Variants in PTPRN2 observed in about 807,000 individuals in gnomAD.
The protein encoded by PTPRN2 is protein tyrosine phosphatase receptor type N2.
In PTPRN2, 74 loss-of-function variants were observed where a neutral mutation model predicts 118.8. That is an observed-to-expected ratio of 0.62 (90% CI 0.52 to 0.76). The LOEUF is 0.76. Ranked by LOEUF, PTPRN2 falls within the 30% of genes least tolerant of loss-of-function variation. The pLI is 0.00. For missense variants in PTPRN2, 1,481 were observed against 1,394.4 expected, an observed-to-expected ratio of 1.06 and a Z score of -0.99; for synonymous variants, 641 against 608.0, an observed-to-expected ratio of 1.05 and a Z score of -0.80.
At chr7:158,379,558 A>G (rs1810800262) in intron 2 of PTPRN2, among the ~76,000 whole-genome samples, 2 of 152,046 alleles carry the variant, frequency 1.3e-5, no homozygotes, top group South Asian at 4.2e-4. Context: ...ACTCAAACTC[A>G]CACCTCACGG....
chr7:158,068,113 C>T (rs755222801), intron 11 of PTPRN2, among the ~76,000 whole-genome samples: 6 of 152,184 alleles, frequency 3.9e-5, no homozygotes, highest in Middle Eastern at 3.2e-3. Context: ...GGTGGGGGTC[C>T]AGGCTGTGCA....
chr7:158,535,501 G>A (rs1157683851), intron 1 of PTPRN2, among the ~76,000 whole-genome samples: 1 of 152,112 alleles, frequency 6.6e-6, no homozygotes, highest in African/African-American at 2.4e-5. Context: ...TCAGAATCCT[G>A]CTTTCTGCGG....
chr7:157,854,041 A>G (rs1809495671), intron 12 of PTPRN2, among the ~76,000 whole-genome samples: 1 of 152,216 alleles, frequency 6.6e-6, no homozygotes, highest in Non-Finnish European at 1.5e-5. Context: ...CCCTGCCCAC[A>G]CATTGACCCT....
At chr7:157,942,471 T>G (rs542248410) in intron 11 of PTPRN2, among the ~76,000 whole-genome samples, 45 of 152,200 alleles carry the variant, frequency 3.0e-4, no homozygotes, top group Middle Eastern at 3.4e-3. Flanking sequence ...TGTTTATATC[T>G]TTACAGACAC....
At chr7:158,149,227 C>T (rs570491404) in intron 6 of PTPRN2, among the ~76,000 whole-genome samples, 28 of 152,296 alleles carry the variant, frequency 1.8e-4, no homozygotes, top group Middle Eastern at 3.4e-3. Context: ...ACCTGCTCTC[C>T]AAGCTGGCAC....
At chr7:158,079,372 G>A (rs553260033) in intron 11 of PTPRN2, among the ~76,000 whole-genome samples, 3 of 152,250 alleles carry the variant, frequency 2.0e-5, no homozygotes, top group African/African-American at 7.2e-5. Flanking sequence ...TTCCTATGTG[G>A]CTCCCCCTTG....
At chr7:158,344,532 C>A (rs970475306) in intron 2 of PTPRN2, among the ~76,000 whole-genome samples, 2 of 151,330 alleles carry the variant, frequency 1.3e-5, no homozygotes, top group Non-Finnish European at 3.0e-5. Context: ...ACAAGACACC[C>A]TGGAGTCTGG....
At chr7:158,351,916 G>A (rs1339323180) in intron 2 of PTPRN2, among the ~76,000 whole-genome samples, 2,012 of 110,998 alleles carry the variant, frequency 0.018, 100 homozygotes, top group African/African-American at 0.065. Flanking sequence ...CCTCCTGTCC[G>A]CTCCCCTCCT....
At position 157,929,858 on chromosome 7, in the gene PTPRN2, C is replaced by T. The variant is rs1461085466; in HGVS notation, c.1724-31121G>A. Among the ~76,000 whole-genome samples the T allele has an allele frequency of 6.6e-6, 1 of 151,890 alleles. No homozygotes were observed. Among genetic ancestry groups the T allele is most frequent in the African/African-American group, 2.4e-5 (1 of 41,404 alleles). On this transcript the variant is annotated intron_variant, in intron 11 of 22. Transcript: ENST00000389418. This position sits in a 1 kb window ranked among gnomAD's most constrained non-coding sequence, Gnocchi z 4.4. The stretch of plus-strand genomic sequence containing the variant: ...GGACACCAGGCACTGGAGGTCGGCA[C>T]GCTTATTGTAATGAATCTGAAGGCA...
intron 10 of PTPRN2, among the ~76,000 whole-genome samples, chr7:158,100,244 G>GGTGTGTGTGT (rs3065708): frequency 1.4e-5 from 2 of 147,316 alleles, no homozygotes; most frequent in Non-Finnish European, 3.0e-5. Context: ...TATTCCATGG[G>GGTGTGTGTGT]GTGTGTGTGT....
chr7:158,564,662 A>G (rs1827571312), intron 1 of PTPRN2, among the ~76,000 whole-genome samples: 1 of 151,436 alleles, frequency 6.6e-6, no homozygotes, highest in Non-Finnish European at 1.5e-5. Flanking sequence ...CTCACCTTCC[A>G]CTGCACCCTC....
intron 1 of PTPRN2, among the ~76,000 whole-genome samples, chr7:158,504,338 G>A (rs1822585265): frequency 6.6e-6 from 1 of 152,098 alleles, no homozygotes; most frequent in African/African-American, 2.4e-5. Context: ...AATTATTCCT[G>A]TGCTCTCCCT....
intron 11 of PTPRN2, among the ~76,000 whole-genome samples, chr7:157,910,504 G>A (rs538628087): frequency 1.3e-5 from 2 of 150,966 alleles, no homozygotes; most frequent in Non-Finnish European, 3.0e-5. Context: ...ACGCATGTAC[G>A]CCGTGGGAAC....
intron 6 of PTPRN2, among the ~76,000 whole-genome samples, chr7:158,156,972 G>C (rs749123234): frequency 1.2e-4 from 18 of 151,860 alleles, no homozygotes; most frequent in Non-Finnish European, 2.2e-4. Flanking sequence ...GGCTCTGGAA[G>C]GCCTCCCCAT....
chr7:158,344,495 T>A lies in PTPRN2; in HGVS notation c.164-27563A>T, dbSNP rs566684671. ...CAACGCCTTGCACCCAGGTCTTGAA[T>A]GCTAATTATACTCGCCGGCATTTAA... is the stretch of plus-strand genomic sequence containing the variant. On this transcript the variant is annotated intron_variant, in intron 2 of 22. Coordinates refer to ENST00000389418, the MANE Select transcript of PTPRN2 (RefSeq NM_002847.5). 2.1e-4 allele frequency among the ~76,000 whole-genome samples: 32 copies of A among 151,724 alleles called. 1 individual carries two copies. Among genetic ancestry groups the A allele is most frequent in the Admixed American group, 1.1e-3 (17 of 15,206 alleles).
chr7:157,884,675 A>G (rs951625734), intron 12 of PTPRN2, among the ~76,000 whole-genome samples: 2 of 152,232 alleles, frequency 1.3e-5, no homozygotes, highest in African/African-American at 4.8e-5. Context: ...ACAGGGTGGC[A>G]GACAAGAGAG....
Position 157,808,088 on chromosome 7 carries a change from G to A in PTPRN2, c.1788+90585C>T, listed in dbSNP as rs13222859. ...TGGGCATCCCAGATCTCCCACCCAT[G>A]TCTTCCCACTGGACCAGGCATCCCC... On this transcript the variant is annotated intron_variant, in intron 12 of 22. Coordinates refer to ENST00000389418, the MANE Select transcript of PTPRN2 (RefSeq NM_002847.5). This position sits in a 1 kb window ranked among gnomAD's most constrained non-coding sequence, Gnocchi z 5.0. 0.22 allele frequency among the ~76,000 whole-genome samples: 33,835 copies of A among 152,082 alleles called. 5,156 individuals carry two copies. Among genetic ancestry groups the A allele is most frequent in the African/African-American group, 0.43 (17,758 of 41,434 alleles).
chr7:158,260,418 G>T (rs981969833), intron 3 of PTPRN2, among the ~76,000 whole-genome samples: 4 of 152,180 alleles, frequency 2.6e-5, no homozygotes, highest in African/African-American at 9.7e-5. Flanking sequence ...TAATTTGTCA[G>T]TAATGTATAG....
intron 12 of PTPRN2, among the ~76,000 whole-genome samples, chr7:157,769,743 C>A (rs952955820): frequency 6.6e-6 from 1 of 152,230 alleles, no homozygotes; most frequent in South Asian, 2.1e-4. Flanking sequence ...TGTGGCTCAG[C>A]GCGTTCCTGC....
Sources: gnomAD v4.1 joint callset for allele counts (sites outside exome capture counted in the v4.1 genomes callset) on GRCh38, gnomAD v4.1.1 for gene constraint, Gnocchi (gnomAD v3.1) non-coding constraint, MANE v1.5 for transcripts, NCBI Gene and HGNC (gene_info 2026-07-23, HGNC 2026-07-21) for gene names.